The following WSCD1 variants were observed in gnomAD, a reference collection of about 807,000 sequenced individuals.
WSCD1 encodes the protein sialate:O-sulfotransferase 1.
A neutral mutation model predicts 60.4 loss-of-function variants in WSCD1; 41 were observed. That is an observed-to-expected ratio of 0.68 (90% CI 0.53 to 0.88). WSCD1 has a LOEUF of 0.88. Ranked by LOEUF, WSCD1 falls within the 40% of genes least tolerant of loss-of-function variation. The probability of loss-of-function intolerance (pLI) is 0.00; values close to 1 mark genes in which losing one functional copy is unlikely to be tolerated. For missense variants in WSCD1, 784 were observed against 796.2 expected (o/e 0.98, Z 0.18); for synonymous variants, 361 against 332.5 (o/e 1.09, Z -0.93).
rs1056041576 is a variant in WSCD1 at position 6,118,486 on chromosome 17, C to T, written c.1375+298C>T. Among the ~76,000 whole-genome samples, 8 of 152,184 alleles carry T rather than the reference C, an allele frequency of 5.3e-5. No individual in the cohort carries two copies. Among genetic ancestry groups the T allele is most frequent in the Admixed American group, 3.3e-4 (5 of 15,270 alleles). On this transcript the variant is annotated intron_variant, in intron 8 of 8. Coordinates refer to ENST00000317744, the MANE Select transcript of WSCD1 (RefSeq NM_015253.2). This position sits in a 1 kb window ranked among gnomAD's most constrained non-coding sequence, Gnocchi z 5.8. ...CATGAGTGCATAGTGGGGTGATATG[C>T]ACCCCTTTCCATCTCTGCTTCTGCC... is the stretch of plus-strand genomic sequence containing the variant.
chr17:6,083,467 A>C (rs1909410622), intron 2 of WSCD1, among the ~76,000 whole-genome samples: 1 of 152,212 alleles, frequency 6.6e-6, no homozygotes, highest in South Asian at 2.1e-4. Context: ...CTGTGGACTC[A>C]GTGAGAAGTG....
intron 2 of WSCD1, 65 bp from the exon 3 acceptor site, chr17:6,087,925 C>A: frequency 7.2e-7 from 1 of 1,381,912 alleles, no homozygotes; most frequent in Non-Finnish European, 1.0e-6. Context: ...GTTCCCCTGG[C>A]TTTTCCTAAG....
At chr17:6,094,254 G>A (rs1186335668) in intron 4 of WSCD1, among the ~76,000 whole-genome samples, 1 of 152,192 alleles carries the variant, frequency 6.6e-6, no homozygotes, top group Admixed American at 6.5e-5. Flanking sequence ...CAGAGCAGCA[G>A]GAGGCTTGGC....
chr17:6,106,699 A>G (rs550779840), intron 5 of WSCD1, among the ~76,000 whole-genome samples: 3 of 152,300 alleles, frequency 2.0e-5, no homozygotes, highest in Admixed American at 2.0e-4. Context: ...GCATGTCATC[A>G]GATAGGTTAG....
intron 1 of WSCD1, among the ~76,000 whole-genome samples, chr17:6,077,148 G>A (rs760524623): frequency 6.6e-6 from 1 of 150,378 alleles, no homozygotes; most frequent in East Asian, 1.9e-4. Context: ...GAGTGCAGTG[G>A]TGTGATCTTG....
chr17:6,102,756 G>T (rs1482902675), intron 5 of WSCD1, among the ~76,000 whole-genome samples: 1 of 151,814 alleles, frequency 6.6e-6, no homozygotes, highest in Non-Finnish European at 1.5e-5. Context: ...TTCTTTCACC[G>T]TGCTATGCCT....
At chr17:6,082,375 G>A (rs1322380678) in intron 2 of WSCD1, among the ~76,000 whole-genome samples, 4 of 152,174 alleles carry the variant, frequency 2.6e-5, no homozygotes, top group Admixed American at 1.3e-4. Flanking sequence ...GACTTCATCC[G>A]GCTGGAGGCT....
chr17:6,118,027 C>T lies in WSCD1; in HGVS notation c.1214C>T (p.Thr405Ile), dbSNP rs761193293. Residue 405 changes from threonine (T) to isoleucine (I), a missense_variant, in exon 8 of 9, where the codon ACC becomes ATC. Physicochemically the swap from Thr to Ile is moderately conservative, Grantham distance 89. Coordinates refer to ENST00000317744, the MANE Select transcript of WSCD1 (RefSeq NM_015253.2). This position sits in a 1 kb window ranked among gnomAD's most constrained non-coding sequence, Gnocchi z 5.8. ...AAGGACCACTGGCGGAGCCGACGCA[C>T]CATCTGTGTCAAAACCCACGAGAGT... is the stretch of plus-strand genomic sequence containing the variant. ...GEKDHWRSRR[T>I]ICVKTHESGR... The T allele has an allele frequency of 6.2e-7, 1 of 1,614,186 alleles. No individual in the cohort carries two copies. Among genetic ancestry groups the T allele is most frequent in the South Asian group, 1.1e-5 (1 of 91,076 alleles).
Position 6,121,188 on chromosome 17 carries a change from T to C in WSCD1, c.*527T>C, listed in dbSNP as rs765326607. 2.7e-4 allele frequency: 43 copies of C among 157,602 alleles called. No individual in the cohort carries two copies. Among genetic ancestry groups the C allele is most frequent in the South Asian group, 9.8e-4 (5 of 5,092 alleles). The allele number at this position is 157,602 out of a possible 1,614,324, so 9.8% of individuals were successfully genotyped here. ...TTTATGCTCTGAGCAGCAAGGACCA[T>C]TGGGATGGAGGTGGGCACAAAGACT... On this transcript the variant is annotated 3_prime_UTR_variant, in exon 9 of 9. Transcript: ENST00000317744.
At chr17:6,073,876 G>A (rs976816170) in intron 1 of WSCD1, among the ~76,000 whole-genome samples, 9 of 152,226 alleles carry the variant, frequency 5.9e-5, no homozygotes. Context: ...TCTGGAATCA[G>A]AGCGACTTAG....
In WSCD1 at chr17:6,109,521, G is replaced by A. The variant is rs141768329; in HGVS notation, c.850-86G>A. The stretch of plus-strand genomic sequence containing the variant: ...ATACAGATACAGCTGGCAATACATC[G>A]TCCATGTTCATCCCATTCCTGAGCC... On this transcript the variant is annotated intron_variant, in intron 5 of 8. Coordinates refer to ENST00000317744, the MANE Select transcript of WSCD1 (RefSeq NM_015253.2). The A allele has an allele frequency of 4.8e-3, 7,326 of 1,533,072 alleles. 36 individuals carry two copies. The highest frequency in any genetic ancestry group is 5.6e-3 in the Non-Finnish European group (6,329 of 1,131,648). The allele number at this position is 1,533,072 out of a possible 1,614,324, so 95.0% of individuals were successfully genotyped here.
intron 1 of WSCD1, among the ~76,000 whole-genome samples, chr17:6,073,793 T>C (rs1209412463): frequency 6.6e-6 from 1 of 152,240 alleles, no homozygotes; most frequent in Non-Finnish European, 1.5e-5. Flanking sequence ...GCCTCCAGCA[T>C]GGTGCTTGGA....
upstream of WSCD1, chr17:6,069,426 TGTGAGAGAGA>T (rs778841590): frequency 0.21 from 54,281 of 256,862 alleles, 2,295 homozygotes; most frequent in Admixed American, 0.26. Flanking sequence ...TGTGTGTGTG[TGTGAGAGAGA>T]GAGAGAGAGA....
At chr17:6,078,769 T>C (rs1227482205) in intron 1 of WSCD1, among the ~76,000 whole-genome samples, 1 of 151,980 alleles carries the variant, frequency 6.6e-6, no homozygotes, top group African/African-American at 2.4e-5. Context: ...CGCGCCATGA[T>C]CAGATGTGCA....
chr17:6,111,564 G>A (rs1383726429), intron 7 of WSCD1, among the ~76,000 whole-genome samples: 3 of 151,974 alleles, frequency 2.0e-5, no homozygotes, highest in South Asian at 4.2e-4. Flanking sequence ...AGCTGGGCGC[G>A]GTGGTAGGCG....
intron 5 of WSCD1, among the ~76,000 whole-genome samples, chr17:6,096,423 G>C (rs886528375): frequency 2.6e-5 from 4 of 152,070 alleles, no homozygotes; most frequent in Non-Finnish European, 4.4e-5. Flanking sequence ...GCACTCTGGG[G>C]ACACCTCCCT....
chr17:6,116,064 C>T (rs1356266603), intron 7 of WSCD1, among the ~76,000 whole-genome samples: 2 of 152,128 alleles, frequency 1.3e-5, no homozygotes, highest in Non-Finnish European at 2.9e-5. Flanking sequence ...CAGCCTTGTA[C>T]TCCCTGGGAA....
intron 7 of WSCD1, among the ~76,000 whole-genome samples, chr17:6,111,561 C>T (rs774380202): frequency 9.9e-5 from 15 of 151,842 alleles, no homozygotes; most frequent in South Asian, 6.2e-4. Context: ...ATTAGCTGGG[C>T]GCGGTGGTAG....
At chr17:6,106,079 T>C (rs1911071312) in intron 5 of WSCD1, among the ~76,000 whole-genome samples, 1 of 152,234 alleles carries the variant, frequency 6.6e-6, no homozygotes, top group African/African-American at 2.4e-5. Context: ...TTATTGAGCA[T>C]CTGCCATGTG....
Sources: gnomAD v4.1 joint callset for allele counts (sites outside exome capture counted in the v4.1 genomes callset) on GRCh38, gnomAD v4.1.1 for gene constraint, Gnocchi (gnomAD v3.1) non-coding constraint, MANE v1.5 for transcripts, NCBI Gene and HGNC (gene_info 2026-07-23, HGNC 2026-07-21) for gene names.